Variants in TBL1X observed in about 807,000 individuals in gnomAD.
TBL1X encodes the protein F-box-like/WD repeat-containing protein TBL1X.
TBL1X carries 10 observed loss-of-function variants against 50.7 expected under a neutral mutation model. The ratio of observed to expected loss-of-function variants is 0.20; its 90% CI spans 0.12 to 0.33. TBL1X has a LOEUF of 0.33. Ranked by LOEUF, TBL1X falls within the 10% of genes least tolerant of loss-of-function variation. The pLI, the probability that TBL1X is intolerant of heterozygous loss-of-function variation, is 1.00. For missense variants in TBL1X, 340 were observed against 504.4 expected (o/e 0.67, Z 3.12); for synonymous variants, 190 against 214.7 (o/e 0.88, Z 1.01).
intron 2 of TBL1X, among the ~76,000 whole-genome samples, chrX:9,510,897 T>C (rs1447641259): frequency 3.6e-5 from 4 of 111,751 alleles, no homozygotes; most frequent in Non-Finnish European, 7.5e-5. Flanking sequence ...TCCACAATTG[T>C]GTGAACCAGT....
chrX:9,540,085 A>C (rs1193472284), intron 2 of TBL1X, among the ~76,000 whole-genome samples: 6 of 112,598 alleles, frequency 5.3e-5, no homozygotes, highest in African/African-American at 1.6e-4. Context: ...TTTAAAATGA[A>C]GTCATGGGCC....
intron 2 of TBL1X, among the ~76,000 whole-genome samples, chrX:9,523,297 G>A (rs1035787434): frequency 2.5e-4 from 28 of 111,688 alleles, no homozygotes; most frequent in Middle Eastern, 4.6e-3. Flanking sequence ...CCGGGAACTC[G>A]GAACTGTGAA....
intron 1 of TBL1X, among the ~76,000 whole-genome samples, chrX:9,469,382 C>T (rs1251705319): frequency 1.8e-5 from 2 of 111,411 alleles, no homozygotes; most frequent in Non-Finnish European, 3.8e-5. Context: ...AGGCTGGGCT[C>T]GAACTTCTGA....
intron 2 of TBL1X, among the ~76,000 whole-genome samples, chrX:9,570,585 T>C (rs2082379859): frequency 9.0e-6 from 1 of 111,688 alleles, no homozygotes; most frequent in African/African-American, 3.3e-5. Flanking sequence ...TCACTCCCTC[T>C]GGCTCTGGCT....
chrX:9,643,991 C>CCA (rs1390775543), intron 3 of TBL1X, among the ~76,000 whole-genome samples: 1 of 112,109 alleles, frequency 8.9e-6, no homozygotes, highest in East Asian at 2.8e-4. Context: ...ACTTCACAGG[C>CCA]CACATCATAT....
At chrX:9,478,304 C>G (rs987959375) in intron 1 of TBL1X, among the ~76,000 whole-genome samples, 1 of 111,369 alleles carries the variant, frequency 9.0e-6, no homozygotes, top group African/African-American at 3.3e-5. Context: ...CTTCCCCTGT[C>G]TTTCATCTTG....
At chrX:9,568,954 T>G (rs1477464460) in intron 2 of TBL1X, among the ~76,000 whole-genome samples, 2 of 110,270 alleles carry the variant, frequency 1.8e-5, no homozygotes, top group Non-Finnish European at 3.8e-5. Context: ...GTGCACTGTG[T>G]GTGTTGTGTC....
intron 2 of TBL1X, among the ~76,000 whole-genome samples, chrX:9,542,668 G>T (rs2082220893): frequency 8.9e-6 from 1 of 111,962 alleles, no homozygotes; most frequent in Non-Finnish European, 1.9e-5. Context: ...AAGCAGAATG[G>T]GAGAGGAAAC....
intron 1 of TBL1X, among the ~76,000 whole-genome samples, chrX:9,467,310 C>T (rs892315227): frequency 3.6e-5 from 4 of 111,775 alleles, no homozygotes; most frequent in African/African-American, 1.3e-4. Flanking sequence ...GATAGGAGCA[C>T]ACCTCCGCTA....
intron 2 of TBL1X, among the ~76,000 whole-genome samples, chrX:9,553,282 G>A (rs183818555): frequency 1.8e-5 from 2 of 112,251 alleles, no homozygotes; most frequent in East Asian, 2.8e-4. Flanking sequence ...AGGAGGATGG[G>A]CGCAGAGGCC....
intron 2 of TBL1X, among the ~76,000 whole-genome samples, chrX:9,513,537 A>C (rs1252799931): frequency 8.9e-6 from 1 of 111,780 alleles, no homozygotes; most frequent in Admixed American, 9.5e-5. Flanking sequence ...TGTAGGAGGT[A>C]CCCAGTAAAT....
At chrX:9,531,339 A>G (rs770643285) in intron 2 of TBL1X, among the ~76,000 whole-genome samples, 1 of 86,096 alleles carries the variant, frequency 1.2e-5, no homozygotes, top group African/African-American at 4.2e-5. Flanking sequence ...ACTTTTTTGA[A>G]CTAAGAACCT....
chrX:9,659,280 C>G (rs1488131409), intron 5 of TBL1X, among the ~76,000 whole-genome samples: 5 of 112,409 alleles, frequency 4.4e-5, no homozygotes, highest in Admixed American at 1.9e-4. Flanking sequence ...CTTCCACCCC[C>G]ACCCTGCCCC....
chrX:9,574,509 G>GGTCTGTGT (rs2082401274), intron 2 of TBL1X, among the ~76,000 whole-genome samples: 1 of 106,019 alleles, frequency 9.4e-6, no homozygotes, highest in Non-Finnish European at 1.9e-5. Context: ...GCCACAGGAA[G>GGTCTGTGT]GTCTGTGTGT....
At chrX:9,607,788 G>A (rs1204319935) in intron 2 of TBL1X, among the ~76,000 whole-genome samples, 2 of 109,581 alleles carry the variant, frequency 1.8e-5, no homozygotes, top group African/African-American at 6.7e-5. Context: ...TTTTTTCTTT[G>A]TTCCTTTTAT....
chrX:9,527,399 C>G (rs1043075632), intron 2 of TBL1X, among the ~76,000 whole-genome samples: 1 of 110,891 alleles, frequency 9.0e-6, no homozygotes, highest in Non-Finnish European at 1.9e-5. Context: ...TTAAGTGATT[C>G]ACCATAATCT....
intron 2 of TBL1X, among the ~76,000 whole-genome samples, chrX:9,547,009 G>T (rs1238468595): frequency 9.4e-6 from 1 of 105,829 alleles, no homozygotes; most frequent in African/African-American, 3.5e-5. Flanking sequence ...TAGTAGAGAC[G>T]GGGTTTCACC....
intron 2 of TBL1X, among the ~76,000 whole-genome samples, chrX:9,614,396 C>T (rs766605890): frequency 1.3e-4 from 14 of 110,900 alleles, no homozygotes; most frequent in African/African-American, 2.3e-4. Context: ...AGCAAGACCC[C>T]ATCTCTACAA....
At chrX:9,590,860 G>A (rs1233828127) in intron 2 of TBL1X, among the ~76,000 whole-genome samples, 3 of 110,253 alleles carry the variant, frequency 2.7e-5, no homozygotes, top group Non-Finnish European at 5.7e-5. Context: ...GGGGTGGGGA[G>A]GATGGGGAAA....
Sources: allele counts gnomAD v4.1 joint callset (sites outside exome capture counted in the v4.1 genomes callset), GRCh38; gene constraint gnomAD v4.1.1; transcripts MANE v1.5; gene names NCBI Gene and HGNC (gene_info 2026-07-23, HGNC 2026-07-21).